Variants in NFIX observed in about 807,000 individuals in gnomAD.
NFIX encodes the protein nuclear factor 1 X-type.
In NFIX, 2 loss-of-function variants were observed where a neutral mutation model predicts 53.3. The ratio of observed to expected loss-of-function variants is 0.04; its 90% CI spans 0.02 to 0.12. NFIX has a LOEUF of 0.12. Ranked by LOEUF, NFIX falls within the 10% of genes least tolerant of loss-of-function variation. The pLI is 1.00. For missense variants in NFIX, 310 were observed against 674.5 expected, an observed-to-expected ratio of 0.46 and a Z score of 5.99; for synonymous variants, 244 against 289.0, an observed-to-expected ratio of 0.84 and a Z score of 1.58.
At chr19:13,053,760 A>G (rs572241282) in intron 2 of NFIX, among the ~76,000 whole-genome samples, 12 of 152,234 alleles carry the variant, frequency 7.9e-5, no homozygotes, top group Admixed American at 6.5e-4. Context: ...ATCTGTCCCC[A>G]AGGGCTCCCT....
At chr19:13,083,427 C>T (rs1413790380) in intron 8 of NFIX, among the ~76,000 whole-genome samples, 1 of 152,184 alleles carries the variant, frequency 6.6e-6, no homozygotes, top group Non-Finnish European at 1.5e-5. Context: ...AACCACAGAA[C>T]CCTTGAGAAA....
At chr19:13,074,094 C>T (rs1398678073) in intron 5 of NFIX, 68 bp downstream of exon 5, 5 of 1,591,230 alleles carry the variant, frequency 3.1e-6, no homozygotes, top group Non-Finnish European at 3.4e-6. Context: ...GTCCCAGTGG[C>T]TATAGTCAGC....
At position 13,040,998 on chromosome 19, in the gene NFIX, C is replaced by T. The variant is rs554451684; in HGVS notation, c.559+15446C>T. 8.5e-5 allele frequency among the ~76,000 whole-genome samples: 13 copies of T among 152,298 alleles called. No individual in the cohort carries two copies. Among genetic ancestry groups the T allele is most frequent in the Middle Eastern group, 3.4e-3 (1 of 294 alleles). On this transcript the variant is annotated intron_variant, in intron 2 of 10. Transcript: ENST00000592199. This position sits in a 1 kb window ranked among gnomAD's most constrained non-coding sequence, Gnocchi z 4.2. ...GCCAGTTCTTGACTTTCTCTGAGAC[C>T]GGTTTTCCCCTCTGAAGTCCTCCTT... is the stretch of plus-strand genomic sequence containing the variant.
chr19:13,003,946 T>A (rs574074075), intron 1 of NFIX, among the ~76,000 whole-genome samples: 20 of 152,172 alleles, frequency 1.3e-4, no homozygotes, highest in African/African-American at 3.1e-4. Context: ...AGCTAATTTT[T>A]AAATTTTTAG....
At chr19:13,008,953 C>G (rs533778070) in intron 1 of NFIX, among the ~76,000 whole-genome samples, 1 of 152,354 alleles carries the variant, frequency 6.6e-6, no homozygotes, top group South Asian at 2.1e-4. Flanking sequence ...TCCAGAGAGC[C>G]TCCCCATCCT....
rs374609778 is a variant in NFIX, at chr19:13,009,821, T to C, written c.27+13957T>C. On this transcript the variant is annotated intron_variant, in intron 1 of 10. Coordinates refer to ENST00000592199, the MANE Select transcript of NFIX (RefSeq NM_001365902.3). The surrounding 1 kb of genome is among the most constrained non-coding windows in gnomAD (Gnocchi z 4.7). ...TGAGTGTCTGATGTGTGAGTGGCCA[T>C]GTGGACGGCTGGAGTTGGTCCGCAG... 1.3e-5 allele frequency among the ~76,000 whole-genome samples: 2 copies of C among 152,204 alleles called. No individual in the cohort carries two copies. Among genetic ancestry groups the C allele is most frequent in the African/African-American group, 4.8e-5 (2 of 41,460 alleles).
In NFIX at chr19:13,002,422, G is replaced by A. The variant is rs949878074; in HGVS notation, c.27+6558G>A. On this transcript the variant is annotated intron_variant, in intron 1 of 10. Transcript: ENST00000592199. The surrounding 1 kb of genome is among the most constrained non-coding windows in gnomAD (Gnocchi z 6.1). ...CCTCCCGAGGAGCCCCTCTGAGGGC[G>A]GGAGTGGCCTCGTGCAGGGGCCTGG... Among the ~76,000 whole-genome samples the A allele has an allele frequency of 6.6e-6, 1 of 152,122 alleles. No homozygotes were observed. Among genetic ancestry groups the A allele is most frequent in the African/African-American group, 2.4e-5 (1 of 41,444 alleles).
At chr19:13,059,319 C>T (rs1044288345) in intron 2 of NFIX, among the ~76,000 whole-genome samples, 2 of 152,212 alleles carry the variant, frequency 1.3e-5, no homozygotes, top group Non-Finnish European at 2.9e-5. Flanking sequence ...CTCCCCTTCC[C>T]CTTCTCTCTC....
chr19:13,087,129 C>G (rs1461687453), intron 8 of NFIX, among the ~76,000 whole-genome samples: 2 of 152,190 alleles, frequency 1.3e-5, no homozygotes, highest in African/African-American at 4.8e-5. Context: ...AGGAACCTGC[C>G]TGGGAGAGGC....
intron 8 of NFIX, among the ~76,000 whole-genome samples, chr19:13,085,470 C>T (rs141437091): frequency 3.7e-4 from 56 of 152,302 alleles, no homozygotes; most frequent in African/African-American, 1.2e-3. Context: ...GTGATCAGAC[C>T]GTCCCATTCC....
intron 1 of NFIX, chr19:13,023,885 A>C: frequency 1.5e-6 from 1 of 679,210 alleles, no homozygotes; most frequent in Non-Finnish European, 2.6e-6. Context: ...TATTCCCCAG[A>C]ACACCAATAA....
chr19:12,999,322 G>A (rs1032065210), intron 1 of NFIX, among the ~76,000 whole-genome samples: 2 of 151,766 alleles, frequency 1.3e-5, no homozygotes, highest in Admixed American at 1.3e-4. Context: ...ACAGGTGCCC[G>A]CCACCACGCC....
rs1034544891 is a variant in NFIX, at chr19:12,998,260, C to T, written c.27+2396C>T. Among the ~76,000 whole-genome samples the T allele has an allele frequency of 1.3e-5, 2 of 151,970 alleles. No individual in the cohort carries two copies. Among genetic ancestry groups the T allele is most frequent in the African/African-American group, 2.4e-5 (1 of 41,356 alleles). ...TTCCAGTTTTGGCCCCATCTCTGCT[C>T]CCCCCTCCACTGGCGTCTCGGACTC... On this transcript the variant is annotated intron_variant, in intron 1 of 10. Coordinates refer to ENST00000592199, the MANE Select transcript of NFIX (RefSeq NM_001365902.3). This position sits in a 1 kb window ranked among gnomAD's most constrained non-coding sequence, Gnocchi z 4.4.
chr19:13,094,656 C>A lies in NFIX; in HGVS notation c.*7C>A. The A allele has an allele frequency of 6.5e-7, 1 of 1,535,586 alleles. No homozygotes were observed. Among genetic ancestry groups the A allele is most frequent in the Non-Finnish European group, 8.7e-7 (1 of 1,146,620 alleles). On this transcript the variant is annotated 3_prime_UTR_variant, in exon 11 of 11. Coordinates refer to ENST00000592199, the MANE Select transcript of NFIX (RefSeq NM_001365902.3). This position sits in a 1 kb window ranked among gnomAD's most constrained non-coding sequence, Gnocchi z 4.3. ...TCAGTCCTGGTTCCTCTGATAAGATCGACAAAAGAAACAACAAAATGAGAA... is the reference window on the plus strand; with the variant it reads ...TCAGTCCTGGTTCCTCTGATAAGATAGACAAAAGAAACAACAAAATGAGAA...
chr19:13,081,858 G>A lies in NFIX; in HGVS notation c.1254+3G>A. ...GCTCGGGCCAGGCCACCGGACAGGT[G>A]AGTCCAGAGGGCCCCAGGAGCCCGG... On this transcript the variant is annotated splice_donor_region_variant and intron_variant, in intron 8 of 10. Transcript: ENST00000592199. The surrounding 1 kb of genome is among the most constrained non-coding windows in gnomAD (Gnocchi z 4.7). 1 of 1,613,706 alleles carries A rather than the reference G, an allele frequency of 6.2e-7. No individual in the cohort carries two copies. Among genetic ancestry groups the A allele is most frequent in the Non-Finnish European group, 8.5e-7 (1 of 1,179,798 alleles).
In NFIX at chr19:13,001,276, C is replaced by T. The variant is rs192376979; in HGVS notation, c.27+5412C>T. Among the ~76,000 whole-genome samples, 759 of 152,290 alleles carry T rather than the reference C, an allele frequency of 5.0e-3. 8 individuals are homozygous for T. The highest frequency in any genetic ancestry group is 0.018 in the African/African-American group (733 of 41,556). ...TTTCCCGAGGATGTCTGTGTGGCAG[C>T]GTGTGTCTGCCCGGGTCCCTCTCCA... On this transcript the variant is annotated intron_variant, in intron 1 of 10. Transcript: ENST00000592199. The surrounding 1 kb of genome is among the most constrained non-coding windows in gnomAD (Gnocchi z 6.5).
chr19:13,080,653 G>A (rs796532614), intron 7 of NFIX, among the ~76,000 whole-genome samples: 4 of 152,086 alleles, frequency 2.6e-5, no homozygotes, highest in African/African-American at 9.6e-5. Flanking sequence ...GCAGCGAGCT[G>A]TGATCATGCC....
rs1475792805 is a variant in NFIX at position 13,097,842 on chromosome 19, T to C, written c.*3193T>C. On this transcript the variant is annotated 3_prime_UTR_variant, in exon 11 of 11. Coordinates refer to ENST00000592199, the MANE Select transcript of NFIX (RefSeq NM_001365902.3). ...TTTCCCGGCGCCCCTCCCGCCCCCA[T>C]TCAACATCTCTCATCCTATCCCCGA... The C allele has an allele frequency of 1.4e-5, 2 of 140,910 alleles. No homozygotes were observed. The highest frequency in any genetic ancestry group is 5.2e-5 in the African/African-American group (2 of 38,684). The allele number at this position is 140,910 out of a possible 1,614,324, so 8.7% of individuals were successfully genotyped here. A position where few individuals can be genotyped will look rare whatever the true frequency, so the allele number is the denominator to read the frequency against.
In NFIX at chr19:12,996,669, A is replaced by G. The variant is rs2011479707; in HGVS notation, c.27+805A>G. Among the ~76,000 whole-genome samples the G allele has an allele frequency of 6.6e-6, 1 of 152,028 alleles. No individual in the cohort carries two copies. Among genetic ancestry groups the G allele is most frequent in the South Asian group, 2.1e-4 (1 of 4,828 alleles). ...CGGGCTGCTGCGGAGTGGACCCGGCAGGCCTGGGGAATCCCGTCCCGTCGC... is the reference window on the plus strand; with the variant it reads ...CGGGCTGCTGCGGAGTGGACCCGGCGGGCCTGGGGAATCCCGTCCCGTCGC... On this transcript the variant is annotated intron_variant, in intron 1 of 10. Transcript: ENST00000592199. The surrounding 1 kb of genome is among the most constrained non-coding windows in gnomAD (Gnocchi z 5.2).
Sources: allele counts gnomAD v4.1 joint callset (sites outside exome capture counted in the v4.1 genomes callset), GRCh38; gene constraint gnomAD v4.1.1; non-coding constraint Gnocchi (gnomAD v3.1); transcripts MANE v1.5; gene names NCBI Gene and HGNC (gene_info 2026-07-23, HGNC 2026-07-21).